Variants in KCNIP4 observed in about 807,000 individuals in gnomAD.
KCNIP4 encodes potassium voltage-gated channel interacting protein 4, also known as Kv channel-interacting protein 4.
In KCNIP4, 12 loss-of-function variants were observed where a neutral mutation model predicts 34.0. The ratio of observed to expected loss-of-function variants is 0.35; its 90% CI spans 0.23 to 0.57. The LOEUF (loss-of-function observed/expected upper bound fraction) is 0.57. Ranked by LOEUF, KCNIP4 falls within the 20% of genes least tolerant of loss-of-function variation. The probability of loss-of-function intolerance (pLI) is 0.83; values close to 1 mark genes in which losing one functional copy is unlikely to be tolerated. For synonymous variants in KCNIP4, 124 were observed against 102.2 expected (o/e 1.21, Z -1.29); for missense variants, 238 against 311.7 (o/e 0.76, Z 1.78).
chr4:21,140,011 C>T (rs6448030), intron 1 of KCNIP4, among the ~76,000 whole-genome samples: 80,298 of 151,954 alleles, frequency 0.53, 21,805 homozygotes, highest in African/African-American at 0.64. Flanking sequence ...GATAGATGTC[C>T]CTGGAGAGTC....
chr4:21,881,765 T>C (rs1230564691), intron 1 of KCNIP4, among the ~76,000 whole-genome samples: 1 of 152,178 alleles, frequency 6.6e-6, no homozygotes, highest in Admixed American at 6.5e-5. Context: ...AGTAGTCCAT[T>C]GTTAATGACA....
intron 1 of KCNIP4, among the ~76,000 whole-genome samples, chr4:21,671,682 C>T (rs188822800): frequency 6.6e-6 from 1 of 152,296 alleles, no homozygotes; most frequent in African/African-American, 2.4e-5. Context: ...GAACATGTTA[C>T]TCAGACTCAG....
intron 1 of KCNIP4, among the ~76,000 whole-genome samples, chr4:21,084,514 C>A (rs1036475240): frequency 6.7e-6 from 1 of 148,512 alleles, no homozygotes; most frequent in Admixed American, 6.8e-5. Flanking sequence ...AGACTGGGTG[C>A]TTCTCAGTGT....
chr4:21,909,165 A>G (rs1007669547), intron 1 of KCNIP4, among the ~76,000 whole-genome samples: 21 of 152,184 alleles, frequency 1.4e-4, no homozygotes, highest in Admixed American at 1.3e-3. Flanking sequence ...AGGACACTAT[A>G]GAAATAATAC....
At chr4:21,623,693 A>T (rs908710602) in intron 1 of KCNIP4, among the ~76,000 whole-genome samples, 2 of 151,830 alleles carry the variant, frequency 1.3e-5, no homozygotes, top group African/African-American at 2.4e-5. Flanking sequence ...AGTAGTTACC[A>T]ATAGTTCTTT....
intron 1 of KCNIP4, among the ~76,000 whole-genome samples, chr4:21,765,158 CTT>C (rs35619474): frequency 3.4e-4 from 50 of 146,260 alleles, no homozygotes; most frequent in Non-Finnish European, 4.4e-4. Flanking sequence ...TGAAGAGAAC[CTT>C]TTTTTTTTTT....
At chr4:20,986,062 C>G (rs1434926976) in intron 1 of KCNIP4, among the ~76,000 whole-genome samples, 1 of 152,150 alleles carries the variant, frequency 6.6e-6, no homozygotes, top group East Asian at 1.9e-4. Context: ...CTGGGGTCCC[C>G]TGCTCACATA....
intron 1 of KCNIP4, among the ~76,000 whole-genome samples, chr4:21,252,859 G>T (rs1211130840): frequency 6.6e-6 from 1 of 151,436 alleles, no homozygotes; most frequent in Non-Finnish European, 1.5e-5. Flanking sequence ...GAAGCCTAGA[G>T]CCTTGGGTCC....
chr4:20,848,917 G>C (rs1479537453), intron 3 of KCNIP4, among the ~76,000 whole-genome samples: 1 of 152,098 alleles, frequency 6.6e-6, no homozygotes, highest in African/African-American at 2.4e-5. Context: ...TCTGAGCACT[G>C]ACTTTTGGCC....
chr4:21,732,937 A>G (rs1247586908), intron 1 of KCNIP4, among the ~76,000 whole-genome samples: 1 of 152,204 alleles, frequency 6.6e-6, no homozygotes, highest in Non-Finnish European at 1.5e-5. Context: ...TCACCTAACC[A>G]AAATTACTTA....
intron 1 of KCNIP4, among the ~76,000 whole-genome samples, chr4:21,675,197 A>G (rs1749796918): frequency 6.6e-6 from 1 of 152,208 alleles, no homozygotes; most frequent in Non-Finnish European, 1.5e-5. Context: ...CAAGGCAGAG[A>G]AAGACAAATA....
chr4:21,586,634 T>C (rs66473878), intron 1 of KCNIP4, among the ~76,000 whole-genome samples: 22,980 of 152,058 alleles, frequency 0.15, 2,057 homozygotes, highest in South Asian at 0.21. Flanking sequence ...TTGAAGACTC[T>C]TGACAAAGAA....
intron 1 of KCNIP4, among the ~76,000 whole-genome samples, chr4:21,221,575 C>T (rs183363331): frequency 3.9e-4 from 60 of 152,140 alleles, no homozygotes; most frequent in South Asian, 8.3e-4. Flanking sequence ...ACAGGGGAAC[C>T]GCACCCATGA....
intron 1 of KCNIP4, among the ~76,000 whole-genome samples, chr4:21,414,690 A>G (rs1348912411): frequency 6.6e-6 from 1 of 152,242 alleles, no homozygotes. Context: ...CTAAGTGTCC[A>G]TCAATAGATG....
chr4:21,580,165 G>A (rs1045476165), intron 1 of KCNIP4, among the ~76,000 whole-genome samples: 4 of 152,004 alleles, frequency 2.6e-5, no homozygotes, highest in South Asian at 2.1e-4. Context: ...CAGTGTATGC[G>A]TTCTCATGTT....
At position 21,463,537 on chromosome 4, in the gene KCNIP4, TATA is replaced by T. The variant is rs1315765320; in HGVS notation, c.61+485031_61+485033del. Among the ~76,000 whole-genome samples the T allele has an allele frequency of 2.0e-5, 3 of 151,364 alleles. No homozygotes were observed. The East Asian group carries it at 5.8e-4, about 29-fold the overall frequency. On this transcript the variant is annotated intron_variant, in intron 1 of 8. Coordinates refer to ENST00000382152, the MANE Select transcript of KCNIP4 (RefSeq NM_025221.6). ...TTTGTGTTTGGTTTCTTTCACTTAG[TATA>T]ATATTTTTCAAGGTTCAACAATGTT... is the stretch of plus-strand genomic sequence containing the variant.
At chr4:20,835,884 T>A (rs1333313757) in intron 3 of KCNIP4, among the ~76,000 whole-genome samples, 1 of 152,194 alleles carries the variant, frequency 6.6e-6, no homozygotes, top group Non-Finnish European at 1.5e-5. Context: ...CCTAGCCACA[T>A]TCAACCTATT....
intron 1 of KCNIP4, among the ~76,000 whole-genome samples, chr4:21,781,209 GT>G (rs1719554762): frequency 6.6e-6 from 1 of 152,104 alleles, no homozygotes; most frequent in Non-Finnish European, 1.5e-5. Context: ...AAATCTGATA[GT>G]TTTATAAGCG....
chr4:21,600,345 T>C (rs969667860), intron 1 of KCNIP4, among the ~76,000 whole-genome samples: 2 of 152,116 alleles, frequency 1.3e-5, no homozygotes, highest in African/African-American at 2.4e-5. Flanking sequence ...TAAATCTGTA[T>C]AGAACTAAAG....
Sources: gnomAD v4.1 joint callset for allele counts (sites outside exome capture counted in the v4.1 genomes callset) on GRCh38, gnomAD v4.1.1 for gene constraint, MANE v1.5 for transcripts, NCBI Gene and HGNC (gene_info 2026-07-23, HGNC 2026-07-21) for gene names.